Variants in PIEZO1 observed in about 807,000 individuals in gnomAD.
The protein encoded by PIEZO1 is piezo type mechanosensitive ion channel component 1 (Er blood group).
A neutral mutation model predicts 297.2 loss-of-function variants in PIEZO1; 296 were observed. That is an observed-to-expected ratio of 1.00 (90% CI 0.91 to 1.10). PIEZO1 has a LOEUF of 1.10. PIEZO1 is among the 50% of genes least tolerant of loss of function. PIEZO1 has a pLI of 0.00. For synonymous variants in PIEZO1, 2,427 were observed against 1,507.5 expected, an observed-to-expected ratio of 1.61 and a Z score of -14.13; for missense variants, 5,018 against 3,455.5, an observed-to-expected ratio of 1.45 and a Z score of -11.34.
At chr16:88,724,730 G>A (rs1904317172) in intron 30 of PIEZO1, among the ~76,000 whole-genome samples, 1 of 152,148 alleles carries the variant, frequency 6.6e-6, no homozygotes, top group South Asian at 2.1e-4. Flanking sequence ...CAGTGCTGCT[G>A]GGTCCCAGGT....
Position 88,749,454 on chromosome 16 carries a change from G to C in PIEZO1, c.90C>G (p.Leu30=), listed in dbSNP as rs759480770. 10 of 1,525,520 alleles carry C rather than the reference G, an allele frequency of 6.6e-6. No homozygotes were observed. In the Admixed American group the frequency reaches 1.8e-4, roughly 28 times the overall value. The allele number at this position is 1,525,520 out of a possible 1,614,324, so 94.5% of individuals were successfully genotyped here. The part of the protein sequence containing the change: ...LAACLLRFSG[L]SLVYLLFLLL... ...GCAGGAAGAGCAGGTAGACCAGCGA[G>C]AGTCCGCTGAAGCGGAGCAGGCAGG... The change falls in exon 2 of 51, where the codon CTC becomes CTG. Residue 30 remains leucine, a synonymous_variant. Coordinates refer to ENST00000301015, the MANE Select transcript of PIEZO1 (RefSeq NM_001142864.4).
chr16:88,769,119 T>C (rs905566982), intron 1 of PIEZO1, among the ~76,000 whole-genome samples: 1 of 152,230 alleles, frequency 6.6e-6, no homozygotes, highest in Non-Finnish European at 1.5e-5. Context: ...TTTGGAATAT[T>C]TGCACACGCA....
Position 88,721,340 on chromosome 16 carries a change from C to G in PIEZO1, c.5494G>C (p.Gly1832Arg). The G allele has an allele frequency of 6.5e-7, 1 of 1,548,176 alleles. No homozygotes were observed. The highest frequency in any genetic ancestry group is 8.7e-7 in the Non-Finnish European group (1 of 1,146,914). ...TCTTCGGTGGTGGCCGCAGGCACCC[C>G]TGGCCCCTCCTCGGCTCCCTGCTCC... ...EEEQGAEEGP[G>R]VPAATTEDHI... The change falls in exon 39 of 51, where the codon GGG becomes CGG. Residue 1832 changes from glycine to arginine, a missense_variant. Gly to Arg is a moderately radical substitution (Grantham distance 125). Transcript: ENST00000301015.
intron 1 of PIEZO1, among the ~76,000 whole-genome samples, chr16:88,760,195 A>G (rs1002441568): frequency 2.0e-5 from 3 of 152,054 alleles, no homozygotes; most frequent in African/African-American, 7.2e-5. Flanking sequence ...GGCCGTGGCT[A>G]CAGACGGCTG....
intron 33 of PIEZO1, 35 bp downstream of exon 33, chr16:88,723,060 G>C: frequency 1.3e-6 from 2 of 1,545,282 alleles, no homozygotes; most frequent in Non-Finnish European, 1.7e-6. Flanking sequence ...GGGGCCAAGA[G>C]AGACCTCCCA....
In PIEZO1 at chr16:88,731,516, C is replaced by T. The variant is rs911193140; in HGVS notation, c.3196+190G>A. ...AGAGAACAGCAGAGCCTGGAGGGGG[C>T]CAGGCCGCCCCCGAGAGACAGGATG... On this transcript the variant is annotated intron_variant, in intron 22 of 50. Coordinates refer to ENST00000301015, the MANE Select transcript of PIEZO1 (RefSeq NM_001142864.4). 8.4e-5 allele frequency: 49 copies of T among 583,824 alleles called. No homozygotes were observed. In the African/African-American group the frequency reaches 8.8e-4, roughly 10 times the overall value. 36.2% of individuals were successfully genotyped at this position (583,824 alleles called of 1,614,324 possible). A position where few individuals can be genotyped will look rare whatever the true frequency, so the allele number is the denominator to read the frequency against.
Position 88,720,687 on chromosome 16 carries a change from C to A in PIEZO1, c.5730G>T (p.Glu1910Asp). The A allele has an allele frequency of 6.5e-7, 1 of 1,543,754 alleles. No homozygotes were observed. Among genetic ancestry groups the A allele is most frequent in the Non-Finnish European group, 8.7e-7 (1 of 1,143,806 alleles). Residue 1910 changes from glutamate (E) to aspartate (D), a missense_variant, in exon 40 of 51, where the codon GAG becomes GAT. Transcript: ENST00000301015. ...EEEKEAPTGR[E>D]KRPSRSGGRV... The stretch of plus-strand genomic sequence containing the variant: ...TTCCTCCAGAGCGGCTTGGCCTCTT[C>A]TCTCTCCCCGTGGGGGCCTCTTTCT...
At chr16:88,773,640 TG>T (rs1907525517) in intron 1 of PIEZO1, among the ~76,000 whole-genome samples, 1 of 150,044 alleles carries the variant, frequency 6.7e-6, no homozygotes, top group Non-Finnish European at 1.5e-5. Flanking sequence ...AGCTGCCTAT[TG>T]GGTGACAGGC....
intron 27 of PIEZO1, 72 bp downstream of exon 27, chr16:88,726,212 G>T: frequency 7.5e-7 from 1 of 1,327,788 alleles, no homozygotes; most frequent in Non-Finnish European, 1.0e-6. Context: ...GCCTGAGACA[G>T]TGAGGAACCT....
At chr16:88,779,959 G>T (rs1331861014) in intron 1 of PIEZO1, among the ~76,000 whole-genome samples, 2 of 152,224 alleles carry the variant, frequency 1.3e-5, no homozygotes, top group African/African-American at 2.4e-5. Context: ...GAGATCCAAA[G>T]CCCGAGAGAC....
At position 88,719,969 on chromosome 16, in the gene PIEZO1, G is replaced by C. The variant is rs1227242839; in HGVS notation, c.6165-9C>G. 6.5e-7 allele frequency: 1 copy of C among 1,550,144 alleles called. No individual in the cohort carries two copies. The highest frequency in any genetic ancestry group is 8.7e-7 in the Non-Finnish European group (1 of 1,146,826). ...CATTCTGGTTGAACATCCTGGGGCG[G>C]GATGGCCAGGTCAAGGACCCCATCA... On this transcript the variant is annotated splice_polypyrimidine_tract_variant and intron_variant, in intron 42 of 50. Coordinates refer to ENST00000301015, the MANE Select transcript of PIEZO1 (RefSeq NM_001142864.4).
intron 1 of PIEZO1, among the ~76,000 whole-genome samples, chr16:88,764,304 A>T (rs1310923876): frequency 2.6e-5 from 4 of 152,046 alleles, no homozygotes; most frequent in African/African-American, 9.7e-5. Flanking sequence ...GTTCCATATA[A>T]CCCATTCTCC....
chr16:88,778,762 G>A (rs1279569142), intron 1 of PIEZO1, among the ~76,000 whole-genome samples: 1 of 152,170 alleles, frequency 6.6e-6, no homozygotes, highest in Non-Finnish European at 1.5e-5. Context: ...GGCCTGCGGT[G>A]GGTGTGCGAC....
rs1304637501 is a variant in PIEZO1 at position 88,731,664 on chromosome 16, A to G, written c.3196+42T>C. ...GGAAACACCCCCACGGGCATCCACA[A>G]AGCCACAAAGCCCACTCCCACCCAA... On this transcript the variant is annotated intron_variant, in intron 22 of 50. Coordinates refer to ENST00000301015, the MANE Select transcript of PIEZO1 (RefSeq NM_001142864.4). 7.4e-6 allele frequency: 11 copies of G among 1,494,478 alleles called. No homozygotes were observed. The African/African-American group carries it at 1.4e-4, about 19-fold the overall frequency. 92.6% of individuals were successfully genotyped at this position (1,494,478 alleles called of 1,614,324 possible).
At position 88,717,058 on chromosome 16, in the gene PIEZO1, C is replaced by T. The variant is rs746709104; in HGVS notation, c.6625G>A (p.Asp2209Asn). ...SVVGVVNQPI[D>N]VTVTLKLGGY... ...CCCAGCTTCAGGGTGACGGTGACATCGATGGGCTGGTTGACAACCCCAACC... is the reference window on the plus strand; with the variant it reads ...CCCAGCTTCAGGGTGACGGTGACATTGATGGGCTGGTTGACAACCCCAACC... The change falls in exon 45 of 51, where the codon GAT (aspartate) becomes AAT (asparagine). Residue 2209 changes from aspartate to asparagine, a missense_variant. Transcript: ENST00000301015. 5.2e-6 allele frequency: 8 copies of T among 1,550,850 alleles called. No homozygotes were observed. The highest frequency in any genetic ancestry group is 1.2e-5 in the South Asian group (1 of 84,058).
chr16:88,775,269 G>A (rs1907605847), intron 1 of PIEZO1, among the ~76,000 whole-genome samples: 2 of 152,256 alleles, frequency 1.3e-5, no homozygotes, highest in Admixed American at 6.5e-5. Flanking sequence ...CACAGAGGAT[G>A]CCGGGGCAGA....
At chr16:88,768,069 C>T (rs985041345) in intron 1 of PIEZO1, among the ~76,000 whole-genome samples, 1 of 152,224 alleles carries the variant, frequency 6.6e-6, no homozygotes, top group African/African-American at 2.4e-5. Context: ...GTGGGACCCA[C>T]GAGCCCCCAA....
intron 1 of PIEZO1, among the ~76,000 whole-genome samples, chr16:88,756,638 G>A (rs891438513): frequency 2.0e-5 from 3 of 152,082 alleles, no homozygotes; most frequent in Non-Finnish European, 4.4e-5. Flanking sequence ...TGTGGTGGTG[G>A]GTGCCTGTAG....
intron 23 of PIEZO1, 140 bp from the exon 24 acceptor site, chr16:88,727,332 G>A (rs554408966): frequency 1.1e-4 from 109 of 998,996 alleles, no homozygotes; most frequent in African/African-American, 4.1e-4. Flanking sequence ...GTGAGTGGCC[G>A]GGTGTCCCTG....
Sources: allele counts gnomAD v4.1 joint callset (sites outside exome capture counted in the v4.1 genomes callset), GRCh38; gene constraint gnomAD v4.1.1; transcripts MANE v1.5; gene names NCBI Gene and HGNC (gene_info 2026-07-23, HGNC 2026-07-21).